CRIM1: variants seen among roughly 807,000 people sequenced by gnomAD.
CRIM1 encodes cysteine rich transmembrane BMP regulator 1, also known as cysteine-rich motor neuron 1 protein.
A neutral mutation model predicts 116.4 loss-of-function variants in CRIM1; 32 were observed. The ratio of observed to expected loss-of-function variants is 0.27; its 90% CI spans 0.21 to 0.37. The LOEUF (loss-of-function observed/expected upper bound fraction) is 0.37. CRIM1 is among the 10% of genes least tolerant of loss of function. The pLI, the probability that CRIM1 is intolerant of heterozygous loss-of-function variation, is 1.00. For synonymous variants in CRIM1, 590 were observed against 509.2 expected (o/e 1.16, Z -2.13); for missense variants, 1,331 against 1,354.8 (o/e 0.98, Z 0.28).
chr2:36,427,323 G>A (rs1674530677), intron 2 of CRIM1, among the ~76,000 whole-genome samples: 1 of 152,148 alleles, frequency 6.6e-6, no homozygotes, highest in Non-Finnish European at 1.5e-5. Context: ...GACTAGGGAG[G>A]CAGATGCATC....
intron 11 of CRIM1, among the ~76,000 whole-genome samples, chr2:36,514,353 GGAGTCT>G (rs1248702234): frequency 4.6e-5 from 7 of 152,086 alleles, no homozygotes; most frequent in African/African-American, 1.7e-4. Context: ...GTAATTCAAG[GGAGTCT>G]GAATTATGAT....
intron 4 of CRIM1, among the ~76,000 whole-genome samples, chr2:36,463,415 C>T (rs1677736813): frequency 6.6e-6 from 1 of 152,118 alleles, no homozygotes; most frequent in Non-Finnish European, 1.5e-5. Flanking sequence ...GGGAACATTA[C>T]CTTTCCTGAT....
chr2:36,356,387 C>G lies in CRIM1; in HGVS notation c.95C>G (p.Thr32Ser), dbSNP rs1668801854. ...GLLLLLARSGTRALVCLPCDE... is the reference protein window; with the variant it reads ...GLLLLLARSGSRALVCLPCDE... ...CTGCTGCTGCTGGCGCGCTCCGGCA[C>G]CCGGGCGCTGGTCTGCCTGCCCTGT... The change falls in exon 1 of 17, where the codon ACC becomes AGC. Residue 32 changes from threonine (T) to serine (S), a missense_variant. Physicochemically the swap from Thr to Ser is moderately conservative, Grantham distance 58. Coordinates refer to ENST00000280527, the MANE Select transcript of CRIM1 (RefSeq NM_016441.3). The surrounding 1 kb of genome is among the most constrained non-coding windows in gnomAD (Gnocchi z 4.3). 2 of 1,599,502 alleles carry G rather than the reference C, an allele frequency of 1.3e-6. No homozygotes were observed. The highest frequency in any genetic ancestry group is 1.3e-5 in the African/African-American group (1 of 74,644).
chr2:36,457,064 T>C (rs1194883558), intron 4 of CRIM1, among the ~76,000 whole-genome samples: 2 of 152,148 alleles, frequency 1.3e-5, no homozygotes, highest in East Asian at 3.8e-4. Context: ...AGGAGGAAGC[T>C]AGGAAGAGAA....
chr2:36,357,759 C>T (rs1012384539), intron 1 of CRIM1, among the ~76,000 whole-genome samples: 10 of 152,090 alleles, frequency 6.6e-5, no homozygotes, highest in Admixed American at 6.5e-4. Context: ...GGGGAGGCGG[C>T]GAGGAGGGAC....
At chr2:36,392,828 C>G (rs552009969) in intron 1 of CRIM1, among the ~76,000 whole-genome samples, 1 of 152,044 alleles carries the variant, frequency 6.6e-6, no homozygotes, top group African/African-American at 2.4e-5. Flanking sequence ...AAAGAGTTTA[C>G]TCTCAAAAAA....
At chr2:36,499,178 C>G in intron 7 of CRIM1, 41 bp from the exon 8 acceptor site, 1 of 1,506,774 alleles carries the variant, frequency 6.6e-7, no homozygotes, top group Non-Finnish European at 9.2e-7. Flanking sequence ...AAAAGGTAAT[C>G]ATATGTTTCA....
intron 4 of CRIM1, among the ~76,000 whole-genome samples, chr2:36,447,973 A>T (rs912277716): frequency 6.6e-6 from 1 of 152,022 alleles, no homozygotes; most frequent in Non-Finnish European, 1.5e-5. Flanking sequence ...TTCTTTCTTC[A>T]CTTGCCATTT....
rs1287981429 is a variant in CRIM1, at chr2:36,356,740, A to T, written c.331+117A>T. On this transcript the variant is annotated intron_variant, in intron 1 of 16. Transcript: ENST00000280527. The surrounding 1 kb of genome is among the most constrained non-coding windows in gnomAD (Gnocchi z 4.3). The stretch of plus-strand genomic sequence containing the variant: ...GGAGGAAAGAGGGCTCTGCGGGAAG[A>T]GGGGCGGCCGCCGCCCCCAGGAGAG... The T allele has an allele frequency of 7.7e-6, 8 of 1,040,234 alleles. No homozygotes were observed. Among genetic ancestry groups the T allele is most frequent in the African/African-American group, 1.6e-5 (1 of 62,090 alleles). 64.4% of individuals were successfully genotyped at this position (1,040,234 alleles called of 1,614,324 possible).
At chr2:36,506,101 A>G (rs1451788786) in intron 8 of CRIM1, among the ~76,000 whole-genome samples, 2 of 150,876 alleles carry the variant, frequency 1.3e-5, no homozygotes, top group African/African-American at 4.9e-5. Context: ...GTAGGAATCG[A>G]CCTTGAACAG....
At chr2:36,435,360 GAGAC>G (rs1675223590) in intron 2 of CRIM1, among the ~76,000 whole-genome samples, 1 of 152,082 alleles carries the variant, frequency 6.6e-6, no homozygotes, top group Non-Finnish European at 1.5e-5. Flanking sequence ...GAGTGAGAGA[GAGAC>G]AGAGAGAGAG....
At chr2:36,418,461 A>AT (rs1673791680) in intron 2 of CRIM1, among the ~76,000 whole-genome samples, 1 of 152,044 alleles carries the variant, frequency 6.6e-6, no homozygotes, top group South Asian at 2.1e-4. Context: ...GAATTTTTGT[A>AT]TTTTTTGTAA....
chr2:36,507,269 C>G (rs1031735918), intron 8 of CRIM1, among the ~76,000 whole-genome samples: 1 of 152,126 alleles, frequency 6.6e-6, no homozygotes, highest in African/African-American at 2.4e-5. Flanking sequence ...TTGTCTATTT[C>G]TGAACTAGAA....
intron 11 of CRIM1, among the ~76,000 whole-genome samples, chr2:36,514,298 A>G (rs1664896577): frequency 6.6e-6 from 1 of 152,220 alleles, no homozygotes; most frequent in Admixed American, 6.5e-5. Context: ...TTAAAATCAT[A>G]ATCATGGTAA....
intron 14 of CRIM1, among the ~76,000 whole-genome samples, chr2:36,537,860 T>C (rs1238257442): frequency 1.3e-5 from 2 of 152,224 alleles, no homozygotes; most frequent in African/African-American, 2.4e-5. Context: ...AGTGCAGTGT[T>C]GGACTAGCCT....
At chr2:36,511,808 T>TA (rs1278929086) in intron 9 of CRIM1, among the ~76,000 whole-genome samples, 1 of 114,320 alleles carries the variant, frequency 8.7e-6, no homozygotes, top group African/African-American at 3.4e-5. Context: ...ACCTGCTGAC[T>TA]AAAGAATTAC....
At chr2:36,457,389 G>A (rs1293108344) in intron 4 of CRIM1, among the ~76,000 whole-genome samples, 2 of 152,140 alleles carry the variant, frequency 1.3e-5, no homozygotes, top group Admixed American at 6.5e-5. Flanking sequence ...ATTTTTTCTG[G>A]TGGTCTTCAA....
intron 2 of CRIM1, among the ~76,000 whole-genome samples, chr2:36,398,359 T>A (rs1217624428): frequency 6.6e-6 from 1 of 152,176 alleles, no homozygotes; most frequent in Admixed American, 6.5e-5. Flanking sequence ...CAGCAGATTT[T>A]GAATCTAAGG....
chr2:36,522,377 C>A, intron 13 of CRIM1, 64 bp downstream of exon 13: 1 of 1,233,170 alleles, frequency 8.1e-7, no homozygotes, highest in Non-Finnish European at 1.2e-6. Context: ...TATTGACAGC[C>A]ATTTGCTAGA....
Sources: allele counts gnomAD v4.1 joint callset (sites outside exome capture counted in the v4.1 genomes callset), GRCh38; gene constraint gnomAD v4.1.1; non-coding constraint Gnocchi (gnomAD v3.1); transcripts MANE v1.5; gene names NCBI Gene and HGNC (gene_info 2026-07-23, HGNC 2026-07-21).